The following NPY2R variants were observed in gnomAD, a reference collection of about 807,000 sequenced individuals.
The protein encoded by NPY2R is neuropeptide Y receptor type 2.
A neutral mutation model predicts 22.3 loss-of-function variants in NPY2R; 17 were observed. The ratio of observed to expected loss-of-function variants is 0.76; its 90% CI spans 0.52 to 1.14. NPY2R has a LOEUF of 1.14. NPY2R is among the 50% of genes most tolerant of loss of function. The probability of loss-of-function intolerance (pLI) is 0.00; values close to 1 mark genes in which losing one functional copy is unlikely to be tolerated. For missense variants in NPY2R, 424 were observed against 467.9 expected, an observed-to-expected ratio of 0.91 and a Z score of 0.87; for synonymous variants, 209 against 183.4, an observed-to-expected ratio of 1.14 and a Z score of -1.13.
At chr4:155,207,592 A>G (rs1223440158), upstream of NPY2R, 6 of 152,310 alleles carry the variant, frequency 3.9e-5, no homozygotes, top group Non-Finnish European at 8.8e-5. Flanking sequence ...GGCTTCGAAT[A>G]GGGTTCCTGG....
chr4:155,180,968 A>T, the NPY2R span, among the ~76,000 whole-genome samples: 1 of 152,110 alleles, frequency 6.6e-6, no homozygotes, highest in South Asian at 2.1e-4. Flanking sequence ...CAGTGATGAG[A>T]CTTTATCAAA....
the NPY2R span, among the ~76,000 whole-genome samples, chr4:155,178,866 C>G: frequency 2.6e-5 from 4 of 152,172 alleles, no homozygotes; most frequent in Non-Finnish European, 4.4e-5. Context: ...TCTCCCCTTC[C>G]TCCTTTTGGA....
chr4:155,201,184 C>A, the NPY2R span, among the ~76,000 whole-genome samples: 6 of 152,030 alleles, frequency 3.9e-5, no homozygotes, highest in African/African-American at 1.4e-4. Flanking sequence ...TTCCTCTTCT[C>A]CCTTTGTATA....
chr4:155,184,135 C>A, the NPY2R span, among the ~76,000 whole-genome samples: 1 of 152,138 alleles, frequency 6.6e-6, no homozygotes, highest in Non-Finnish European at 1.5e-5. Flanking sequence ...ATTCCTTTTA[C>A]TCTTTCTATA....
chr4:155,188,416 A>G, the NPY2R span, among the ~76,000 whole-genome samples: 70,701 of 151,910 alleles, frequency 0.47, 17,142 homozygotes, highest in East Asian at 0.69. Flanking sequence ...CATGAGGTGC[A>G]TTGTCTGTAG....
intron 1 of NPY2R, among the ~76,000 whole-genome samples, chr4:155,210,015 G>A (rs566894333): frequency 6.6e-6 from 1 of 152,054 alleles, no homozygotes; most frequent in Non-Finnish European, 1.5e-5. Flanking sequence ...AAGTTTCTAA[G>A]GATTCCCTTA....
At position 155,216,921 on chromosome 4, in the gene NPY2R, T is replaced by C. The variant is rs919635633; in HGVS notation, c.*1836T>C. 6.0e-6 allele frequency: 1 copy of C among 167,098 alleles called. No homozygotes were observed. The highest frequency in any genetic ancestry group is 2.4e-5 in the African/African-American group (1 of 41,470). The allele number at this position is 167,098 out of a possible 1,614,324, so 10.4% of individuals were successfully genotyped here. On this transcript the variant is annotated 3_prime_UTR_variant, in exon 2 of 2. Transcript: ENST00000329476. ...GTGAATTATTACACTGTAAGAAATG[T>C]ATATGCTACTGTGTTACATGTTGTA...
chr4:155,210,296 T>C (rs187191736), intron 1 of NPY2R, among the ~76,000 whole-genome samples: 10 of 149,606 alleles, frequency 6.7e-5, no homozygotes, highest in African/African-American at 2.2e-4. Context: ...GTCTATATTC[T>C]AAGAGCTTGT....
At chr4:155,180,700 G>C in the NPY2R span, among the ~76,000 whole-genome samples, 1 of 151,892 alleles carries the variant, frequency 6.6e-6, no homozygotes, top group African/African-American at 2.4e-5. Flanking sequence ...TCTTTGCAAA[G>C]TCTTCCAATT....
At chr4:155,189,561 G>C in the NPY2R span, among the ~76,000 whole-genome samples, 1 of 151,894 alleles carries the variant, frequency 6.6e-6, no homozygotes, top group African/African-American at 2.4e-5. Context: ...GCATGGGCTA[G>C]ACTCAAAGTT....
the NPY2R span, among the ~76,000 whole-genome samples, chr4:155,198,753 T>C: frequency 6.6e-6 from 1 of 151,642 alleles, no homozygotes; most frequent in Non-Finnish European, 1.5e-5. Context: ...TCAAATCACA[T>C]AGCAAGTGAA....
At chr4:155,198,886 A>G in the NPY2R span, among the ~76,000 whole-genome samples, 1 of 151,920 alleles carries the variant, frequency 6.6e-6, no homozygotes, top group Non-Finnish European at 1.5e-5. Flanking sequence ...TATACTACCC[A>G]GTGAAAGTAG....
chr4:155,206,383 T>A (rs941082634), upstream of NPY2R: 3 of 152,236 alleles, frequency 2.0e-5, no homozygotes, highest in African/African-American at 7.2e-5. Context: ...TCAGAGTGGT[T>A]CATTGTTACT....
the NPY2R span, among the ~76,000 whole-genome samples, chr4:155,187,378 A>T: frequency 1.3e-5 from 2 of 152,198 alleles, no homozygotes; most frequent in Non-Finnish European, 2.9e-5. Flanking sequence ...AGGTCAGATC[A>T]TAAATCTGGT....
the NPY2R span, among the ~76,000 whole-genome samples, chr4:155,197,049 T>C: frequency 6.6e-6 from 1 of 151,940 alleles, no homozygotes; most frequent in East Asian, 1.9e-4. Flanking sequence ...TAAGGTTCAT[T>C]TGGGAAAATT....
At position 155,216,859 on chromosome 4, in the gene NPY2R, AT is replaced by A. The variant is rs1246918531; in HGVS notation, c.*1775del. ...AGCAGTCACTTTGCTTAAGATGCTA[AT>A]AGAAAACTGTGGTTAAAGATTTACC... is the stretch of plus-strand genomic sequence containing the variant. On this transcript the variant is annotated 3_prime_UTR_variant, in exon 2 of 2. Coordinates refer to ENST00000329476, the MANE Select transcript of NPY2R (RefSeq NM_000910.4). 1.2e-4 allele frequency: 20 copies of A among 167,072 alleles called. No homozygotes were observed. In the Admixed American group the frequency reaches 1.2e-3, roughly 10 times the overall value. 10.3% of individuals were successfully genotyped at this position (167,072 alleles called of 1,614,324 possible).
At chr4:155,175,363 C>T in the NPY2R span, among the ~76,000 whole-genome samples, 8 of 152,046 alleles carry the variant, frequency 5.3e-5, no homozygotes, top group Non-Finnish European at 8.8e-5. Context: ...AAAATAAGGT[C>T]GACTTACCTG....
In NPY2R at chr4:155,215,010, C is replaced by T. The variant is rs781775528; in HGVS notation, c.1071C>T (p.Phe357=). The change falls in exon 2 of 2, where the codon TTC becomes TTT. Residue 357 remains phenylalanine (F), a synonymous_variant. Coordinates refer to ENST00000329476, the MANE Select transcript of NPY2R (RefSeq NM_000910.4). The stretch of plus-strand genomic sequence containing the variant: ...TTCACTCTGAGGTGTCCGTGACATT[C>T]AAGGCTAAAAAGAACCTGGAGGTCA... ...DAIHSEVSVT[F]KAKKNLEVRK... is the part of the protein sequence containing the mutation. The T allele has an allele frequency of 1.6e-5, 26 of 1,614,136 alleles. No homozygotes were observed. Among genetic ancestry groups the T allele is most frequent in the African/African-American group, 4.0e-5 (3 of 75,056 alleles).
At chr4:155,201,264 A>T in the NPY2R span, among the ~76,000 whole-genome samples, 4 of 152,068 alleles carry the variant, frequency 2.6e-5, no homozygotes, top group Non-Finnish European at 4.4e-5. Flanking sequence ...TTGAGAGGTC[A>T]TAAGAAGCCT....
Sources: gnomAD v4.1 joint callset for allele counts (sites outside exome capture counted in the v4.1 genomes callset) on GRCh38, gnomAD v4.1.1 for gene constraint, MANE v1.5 for transcripts, NCBI Gene and HGNC (gene_info 2026-07-23, HGNC 2026-07-21) for gene names.